Variants in WDR45B observed in about 807,000 individuals in gnomAD.
WDR45B encodes WD repeat domain 45B, also known as WD repeat domain phosphoinositide-interacting protein 3.
Under a neutral mutation model 44.6 loss-of-function variants are expected in WDR45B, and 20 were observed. The ratio of observed to expected loss-of-function variants is 0.45; its 90% confidence interval spans 0.32 to 0.65. The LOEUF (loss-of-function observed/expected upper bound fraction) is 0.65, where lower values mean the gene tolerates loss of function less well. Among genes scored for constraint, WDR45B ranks in the 30% least tolerant of loss-of-function variants. The pLI is 0.05. For synonymous variants in WDR45B, 169 were observed against 164.9 expected (o/e 1.02, Z -0.19); for missense variants, 323 against 430.2 (o/e 0.75, Z 2.20).
At position 82,625,396 on chromosome 17, in the gene WDR45B, G is replaced by A. The variant is rs1228051110; in HGVS notation, c.420C>T (p.Asn140=). 1 of 1,614,132 alleles carries A rather than the reference G, an allele frequency of 6.2e-7. No homozygotes were observed. ...GTCTGCTCAATCTCTCACCTTTGGG[G>A]TTATAGCAGGTTTCGAAGACGTGCA... ...HQLHVFETCY[N]PKGLCVLCPN... The change falls in exon 5 of 10, where the codon AAC becomes AAT. Residue 140 remains asparagine, a synonymous_variant. Transcript: ENST00000392325.
At chr17:82,637,494 G>C (rs1442427741) in intron 2 of WDR45B, among the ~76,000 whole-genome samples, 2 of 151,850 alleles carry the variant, frequency 1.3e-5, no homozygotes, top group African/African-American at 4.9e-5. Flanking sequence ...CATCTACCTG[G>C]AGAGAGTATT....
chr17:82,640,576 C>T (rs146124401), intron 2 of WDR45B, among the ~76,000 whole-genome samples: 2,318 of 152,176 alleles, frequency 0.015, 28 homozygotes, highest in Non-Finnish European at 0.022. Flanking sequence ...GTTTCGATCT[C>T]CTGACCTCGT....
chr17:82,620,978 C>T (rs1040555018), intron 6 of WDR45B, among the ~76,000 whole-genome samples: 5 of 151,628 alleles, frequency 3.3e-5, no homozygotes, highest in African/African-American at 1.2e-4. Context: ...AGTGGTTCTG[C>T]AAAATCTATG....
intron 2 of WDR45B, among the ~76,000 whole-genome samples, chr17:82,638,855 G>C (rs770621401): frequency 1.3e-5 from 2 of 151,890 alleles, no homozygotes; most frequent in Non-Finnish European, 2.9e-5. Context: ...ACAGAGTCTC[G>C]CTCTGTCACC....
chr17:82,618,666 C>T (rs557724787), intron 7 of WDR45B, among the ~76,000 whole-genome samples: 2 of 152,068 alleles, frequency 1.3e-5, no homozygotes, highest in Admixed American at 6.6e-5. Flanking sequence ...GGGCCCAGGT[C>T]GAGGCTGTAG....
chr17:82,635,956 G>A (rs111313571), intron 2 of WDR45B, among the ~76,000 whole-genome samples: 3,577 of 151,846 alleles, frequency 0.024, 194 homozygotes, highest in African/African-American at 0.082. Flanking sequence ...GTGTGGTGGC[G>A]CATGCCTATA....
intron 5 of WDR45B, among the ~76,000 whole-genome samples, chr17:82,623,965 C>T (rs111575195): frequency 8.5e-5 from 13 of 152,096 alleles, no homozygotes; most frequent in African/African-American, 1.7e-4. Context: ...ATGGATGAGA[C>T]GCAAGGGGAC....
At chr17:82,626,268 T>C (rs1360835523) in intron 4 of WDR45B, among the ~76,000 whole-genome samples, 1 of 150,502 alleles carries the variant, frequency 6.6e-6, no homozygotes, top group Admixed American at 6.6e-5. Flanking sequence ...CCGGGCGCAG[T>C]GGCTCACACC....
intron 7 of WDR45B, among the ~76,000 whole-genome samples, chr17:82,618,209 C>T (rs889221425): frequency 2.0e-5 from 3 of 152,222 alleles, no homozygotes; most frequent in South Asian, 4.1e-4. Flanking sequence ...GGATTACAGG[C>T]GGGAGCCACT....
intron 2 of WDR45B, among the ~76,000 whole-genome samples, chr17:82,635,724 TC>T (rs2045824385): frequency 6.6e-6 from 1 of 151,974 alleles, no homozygotes; most frequent in South Asian, 2.1e-4. Flanking sequence ...TGCGCAGCCG[TC>T]TTTTCAAGTT....
At chr17:82,647,393 G>C (rs1051723682) in intron 1 of WDR45B, among the ~76,000 whole-genome samples, 1 of 152,160 alleles carries the variant, frequency 6.6e-6, no homozygotes, top group African/African-American at 2.4e-5. Context: ...TGGGAAGCGC[G>C]CCCTTCAAAT....
intron 1 of WDR45B, among the ~76,000 whole-genome samples, chr17:82,648,034 T>C (rs1271280597): frequency 7.8e-6 from 1 of 128,030 alleles, no homozygotes; most frequent in Non-Finnish European, 1.7e-5. Context: ...ACCCGGGGGG[T>C]GGGGGAGCGC....
intron 3 of WDR45B, among the ~76,000 whole-genome samples, chr17:82,627,569 C>G (rs1438523037): frequency 6.6e-6 from 1 of 152,288 alleles, no homozygotes; most frequent in East Asian, 1.9e-4. Flanking sequence ...CCATTCCTCT[C>G]TCAGTGTGCA....
chr17:82,626,573 A>C (rs2045701355), intron 4 of WDR45B, among the ~76,000 whole-genome samples: 1 of 146,180 alleles, frequency 6.8e-6, no homozygotes, highest in Non-Finnish European at 1.5e-5. Flanking sequence ...AGGGAGGTGA[A>C]ATGACCTCTG....
intron 2 of WDR45B, among the ~76,000 whole-genome samples, chr17:82,631,269 C>T (rs1460472003): frequency 7.0e-6 from 1 of 143,730 alleles, no homozygotes; most frequent in Non-Finnish European, 1.5e-5. Context: ...GCTGGGAATA[C>T]AGGACTCATT....
At chr17:82,619,196 T>A in intron 6 of WDR45B, 68 bp from the exon 7 acceptor site, 2 of 1,429,812 alleles carry the variant, frequency 1.4e-6, no homozygotes, top group Non-Finnish European at 9.8e-7. Flanking sequence ...TTGAAATGAC[T>A]CACATTCACA....
intron 6 of WDR45B, 139 bp from the exon 7 acceptor site, chr17:82,619,267 C>T: frequency 1.2e-6 from 1 of 813,892 alleles, no homozygotes; most frequent in South Asian, 1.5e-5. Context: ...ACTTAACTTT[C>T]TCCTCCAACT....
intron 1 of WDR45B, among the ~76,000 whole-genome samples, chr17:82,644,883 G>A (rs957010413): frequency 7.2e-5 from 11 of 152,190 alleles, no homozygotes; most frequent in South Asian, 2.1e-4. Flanking sequence ...ATTTGAGGCC[G>A]GACGCAGCAG....
Position 82,617,212 on chromosome 17 carries a change from T to TG in WDR45B, c.806+83dup, listed in dbSNP as rs780663827. The TG allele has an allele frequency of 4.0e-4, 506 of 1,249,800 alleles. 4 individuals are homozygous for TG. Among genetic ancestry groups the TG allele is most frequent in the Non-Finnish European group, 1.4e-4 (122 of 865,740 alleles). 77.4% of individuals were successfully genotyped at this position (1,249,800 alleles called of 1,614,324 possible). ...GTCTGTCCACACCACCCTGCTGGGG[T>TG]GGGGGGCCTGTCCCGTCCACACTGA... On this transcript the variant is annotated intron_variant, in intron 8 of 9. Transcript: ENST00000392325.
Sources: gnomAD v4.1 joint callset for allele counts (sites outside exome capture counted in the v4.1 genomes callset) on GRCh38, gnomAD v4.1.1 for gene constraint, MANE v1.5 for transcripts, NCBI Gene and HGNC (gene_info 2026-07-23, HGNC 2026-07-21) for gene names.